The following MTMR9 variants were observed in gnomAD, a reference collection of about 807,000 sequenced individuals.
MTMR9 encodes myotubularin related protein 9.
A neutral mutation model predicts 69.5 loss-of-function variants in MTMR9; 39 were observed. The observed-to-expected ratio is 0.56, with a 90% CI of 0.43 to 0.73. The LOEUF is 0.73. MTMR9 is among the 30% of genes least tolerant of loss of function. The pLI is 0.00. For synonymous variants in MTMR9, 354 were observed against 240.8 expected (o/e 1.47, Z -4.35); for missense variants, 900 against 671.2 (o/e 1.34, Z -3.77).
At chr8:11,297,624 C>G (rs529211082) in intron 2 of MTMR9, among the ~76,000 whole-genome samples, 1 of 151,370 alleles carries the variant, frequency 6.6e-6, no homozygotes, top group African/African-American at 2.4e-5. Context: ...AGATGACTGG[C>G]TGGTTGGTGT....
downstream of MTMR9, chr8:11,331,452 G>C: frequency 6.2e-7 from 1 of 1,614,016 alleles, no homozygotes; most frequent in Non-Finnish European, 8.5e-7. Context: ...CCTCAGCATT[G>C]GATGTGCCTA....
intron 3 of MTMR9, among the ~76,000 whole-genome samples, chr8:11,302,762 G>C (rs768076714): frequency 6.6e-6 from 1 of 152,030 alleles, no homozygotes; most frequent in African/African-American, 2.4e-5. Flanking sequence ...TAGCAAAATT[G>C]TCAATATTTA....
rs1800874013 is a variant in MTMR9 at position 11,325,150 on chromosome 8, T to C, written c.*2362T>C. 2 of 152,246 alleles carry C rather than the reference T, an allele frequency of 1.3e-5. No individual in the cohort carries two copies. Among genetic ancestry groups the C allele is most frequent in the Admixed American group, 1.3e-4 (2 of 15,292 alleles). The allele number at this position is 152,246 out of a possible 1,614,324, so 9.4% of individuals were successfully genotyped here. ...TTAGGGATTGTTCAAACTTCAGATC[T>C]GTTTACAGGTTGTAAAAATAAACTT... On this transcript the variant is annotated 3_prime_UTR_variant, in exon 10 of 10. Coordinates refer to ENST00000221086, the MANE Select transcript of MTMR9 (RefSeq NM_015458.4).
intron 7 of MTMR9, among the ~76,000 whole-genome samples, chr8:11,315,279 C>G (rs553157294): frequency 5.9e-5 from 9 of 152,164 alleles, no homozygotes; most frequent in African/African-American, 9.6e-5. Context: ...TAGGAAACTC[C>G]TGTTGGCTGT....
chr8:11,315,199 A>T lies in MTMR9; in HGVS notation c.1113+135A>T. ...TTGTGTGTTTAATTTACTGCAGGAC[A>T]GTTAATCTGTCTTCTCCTTGTTTCT... is the stretch of plus-strand genomic sequence containing the variant. On this transcript the variant is annotated intron_variant, in intron 7 of 9. Transcript: ENST00000221086. 3 of 1,065,108 alleles carry T rather than the reference A, an allele frequency of 2.8e-6. No individual in the cohort carries two copies. The South Asian group carries it at 4.5e-5, about 16-fold the overall frequency. 66.0% of individuals were successfully genotyped at this position (1,065,108 alleles called of 1,614,324 possible). A position where few individuals can be genotyped will look rare whatever the true frequency, so the allele number is the denominator to read the frequency against.
chr8:11,298,722 C>A (rs79693489), intron 2 of MTMR9: 12 of 670,004 alleles, frequency 1.8e-5, no homozygotes, highest in South Asian at 7.6e-5. Context: ...CCCGCTGCAC[C>A]CCCCCCCCGC....
downstream of MTMR9, among the ~76,000 whole-genome samples, chr8:11,330,594 A>T (rs1801174811): frequency 6.6e-6 from 1 of 152,194 alleles, no homozygotes; most frequent in South Asian, 2.1e-4. Flanking sequence ...CTGCCTTGGG[A>T]TACTGTTGAT....
chr8:11,303,437 C>G (rs1298456853), intron 3 of MTMR9, among the ~76,000 whole-genome samples: 1 of 151,768 alleles, frequency 6.6e-6, no homozygotes, highest in Non-Finnish European at 1.5e-5. Flanking sequence ...AAAATGATTG[C>G]CTTTGGGGAA....
At chr8:11,288,334 TATATA>T (rs929062687) in intron 1 of MTMR9, among the ~76,000 whole-genome samples, 1 of 140,076 alleles carries the variant, frequency 7.1e-6, no homozygotes, top group Non-Finnish European at 1.5e-5. Flanking sequence ...TATACATAAA[TATATA>T]ATATATTTAT....
intron 1 of MTMR9, among the ~76,000 whole-genome samples, chr8:11,291,050 C>T (rs1359953610): frequency 6.6e-6 from 1 of 152,104 alleles, no homozygotes; most frequent in South Asian, 2.1e-4. Flanking sequence ...CTAATGTTGA[C>T]CTGTTTTATA....
At chr8:11,295,835 C>T (rs1244524571) in intron 2 of MTMR9, among the ~76,000 whole-genome samples, 1 of 152,112 alleles carries the variant, frequency 6.6e-6, no homozygotes, top group African/African-American at 2.4e-5. Context: ...CTTTTAGTCA[C>T]ATTACAGTGA....
intron 9 of MTMR9, 98 bp downstream of exon 9, chr8:11,319,936 G>T: frequency 7.7e-7 from 1 of 1,301,170 alleles, no homozygotes; most frequent in African/African-American, 1.5e-5. Context: ...TGGTGAGCTG[G>T]ACGTGGCCCT....
chr8:11,316,818 A>G lies in MTMR9; in HGVS notation c.1259A>G (p.Asn420Ser). The G allele has an allele frequency of 3.1e-6, 5 of 1,613,750 alleles. No homozygotes were observed. The highest frequency in any genetic ancestry group is 4.2e-6 in the Non-Finnish European group (5 of 1,179,898). ...CCCTGTTCTTTTGAGTTTAATGAGA[A>G]TTTCCTCATCATGCTCTTTGAGCAT... ...QFPCSFEFNE[N>S]FLIMLFEHAY... The change falls in exon 8 of 10, where the codon AAT becomes AGT. Residue 420 changes from asparagine (N) to serine (S), a missense_variant. By Grantham distance (46) the Asn-to-Ser change is conservative (BLOSUM62 1). Transcript: ENST00000221086.
In MTMR9 at chr8:11,292,875, A is replaced by G. The variant is rs892793; in HGVS notation, c.183-2319A>G. On this transcript the variant is annotated intron_variant, in intron 1 of 9. Coordinates refer to ENST00000221086, the MANE Select transcript of MTMR9 (RefSeq NM_015458.4). ...AACCTGGGCTGCCAGTTACACAACA[A>G]TGTAGCACATACCATTGCATACATC... 4.4e-3 allele frequency among the ~76,000 whole-genome samples: 666 copies of G among 152,206 alleles called. 6 individuals are homozygous for G. The highest frequency in any genetic ancestry group is 0.023 in the South Asian group (109 of 4,832).
chr8:11,328,373 T>TGTGTG (rs58161499), downstream of MTMR9, among the ~76,000 whole-genome samples: 632 of 128,968 alleles, frequency 4.9e-3, 3 homozygotes, highest in Middle Eastern at 0.019. Flanking sequence ...GTGTGTGTGT[T>TGTGTG]TGTTACACTG....
At chr8:11,303,097 A>G (rs527782506) in intron 3 of MTMR9, among the ~76,000 whole-genome samples, 1 of 151,046 alleles carries the variant, frequency 6.6e-6, no homozygotes, top group Non-Finnish European at 1.5e-5. Context: ...TTTATATTGA[A>G]TTTGATAAAA....
At chr8:11,285,461 C>G (rs3808519) in intron 1 of MTMR9, 59,140 of 162,628 alleles carry the variant, frequency 0.36, 12,124 homozygotes, top group East Asian at 0.7. Flanking sequence ...TTTACCATTT[C>G]TGAGGAAAAC....
At chr8:11,310,927 C>G (rs913882820) in intron 6 of MTMR9, among the ~76,000 whole-genome samples, 5 of 152,166 alleles carry the variant, frequency 3.3e-5, no homozygotes, top group African/African-American at 9.7e-5. Flanking sequence ...CTGGCCACCT[C>G]AAAGGCAGAG....
At chr8:11,299,885 T>C in intron 2 of MTMR9, 138 bp from the exon 3 acceptor site, 1 of 1,006,414 alleles carries the variant, frequency 9.9e-7, no homozygotes. Flanking sequence ...TTGTATCTGG[T>C]GATAAACACA....
Sources: allele counts gnomAD v4.1 joint callset (sites outside exome capture counted in the v4.1 genomes callset), GRCh38; gene constraint gnomAD v4.1.1; transcripts MANE v1.5; gene names NCBI Gene and HGNC (gene_info 2026-07-23, HGNC 2026-07-21).